OSBPL1A: variants seen among roughly 807,000 people sequenced by gnomAD.
The protein encoded by OSBPL1A is oxysterol-binding protein-related protein 1.
A neutral mutation model predicts 137.1 loss-of-function variants in OSBPL1A; 80 were observed. The ratio of observed to expected loss-of-function variants is 0.58; its 90% CI spans 0.49 to 0.70. The LOEUF (loss-of-function observed/expected upper bound fraction) is 0.70. Ranked by LOEUF, OSBPL1A falls within the 30% of genes least tolerant of loss-of-function variation. OSBPL1A has a pLI of 0.00. For missense variants in OSBPL1A, 970 were observed against 1,129.4 expected, an observed-to-expected ratio of 0.86 and a Z score of 2.02; for synonymous variants, 365 against 389.7, an observed-to-expected ratio of 0.94 and a Z score of 0.75.
chr18:24,355,880 G>A (rs1159847104), intron 4 of OSBPL1A, among the ~76,000 whole-genome samples: 2 of 151,296 alleles, frequency 1.3e-5, no homozygotes, highest in Non-Finnish European at 2.9e-5. Flanking sequence ...AGCTACTCAA[G>A]AGACTGAGGC....
At chr18:24,240,172 C>T (rs980436642) in intron 15 of OSBPL1A, among the ~76,000 whole-genome samples, 4 of 152,256 alleles carry the variant, frequency 2.6e-5, no homozygotes, top group African/African-American at 4.8e-5. Context: ...GATCTGCCCG[C>T]CTGGGCCTCC....
chr18:24,190,346 GAAAAAAAAA>G (rs140195338), intron 18 of OSBPL1A, among the ~76,000 whole-genome samples: 2 of 49,174 alleles, frequency 4.1e-5, no homozygotes, highest in Non-Finnish European at 7.5e-5. Flanking sequence ...CTCTGCTACT[GAAAAAAAAA>G]AAAAAAAAAA....
In OSBPL1A at chr18:24,206,671, C is replaced by T. The variant is rs142847207; in HGVS notation, c.1602-10471G>A. On this transcript the variant is annotated intron_variant, in intron 17 of 27. Coordinates refer to ENST00000319481, the MANE Select transcript of OSBPL1A (RefSeq NM_080597.4). Reference sequence around the variant, plus strand: ...ATCTCTGGGAGACTTCGAGCATGCTCCTCCATTCAGGCTTCTCTTCTGCAC... The same window carrying T: ...ATCTCTGGGAGACTTCGAGCATGCTTCTCCATTCAGGCTTCTCTTCTGCAC... Among the ~76,000 whole-genome samples the T allele has an allele frequency of 9.8e-5, 15 of 152,304 alleles. No individual in the cohort carries two copies. The East Asian group carries it at 1.2e-3, about 12-fold the overall frequency.
chr18:24,213,047 A>G (rs1252761596), intron 17 of OSBPL1A, among the ~76,000 whole-genome samples: 1 of 152,198 alleles, frequency 6.6e-6, no homozygotes, highest in East Asian at 1.9e-4. Context: ...GCCATTCTGA[A>G]GCCTAGTATA....
At chr18:24,343,458 G>T (rs2091300998) in intron 4 of OSBPL1A, among the ~76,000 whole-genome samples, 1 of 152,080 alleles carries the variant, frequency 6.6e-6, no homozygotes, top group Non-Finnish European at 1.5e-5. Context: ...CATTTTTACA[G>T]AAACAGAAAA....
At chr18:24,290,559 T>C (rs1207947839) in intron 14 of OSBPL1A, among the ~76,000 whole-genome samples, 3 of 152,088 alleles carry the variant, frequency 2.0e-5, no homozygotes, top group Admixed American at 6.6e-5. Flanking sequence ...AGTGTGTGCT[T>C]GTAGTCCCAG....
chr18:24,293,763 C>T (rs1432085520), intron 14 of OSBPL1A, among the ~76,000 whole-genome samples: 3 of 152,126 alleles, frequency 2.0e-5, no homozygotes, highest in Non-Finnish European at 4.4e-5. Context: ...CTCTGCAGGT[C>T]ATTAGAATGA....
chr18:24,252,637 C>G (rs1388807158), intron 15 of OSBPL1A, among the ~76,000 whole-genome samples: 1 of 152,072 alleles, frequency 6.6e-6, no homozygotes, highest in African/African-American at 2.4e-5. Flanking sequence ...TCTGAAGGTA[C>G]AAAACTTGCT....
chr18:24,377,581 T>C (rs762023922), intron 1 of OSBPL1A, 46 bp from the exon 2 acceptor site: 4 of 1,523,416 alleles, frequency 2.6e-6, no homozygotes, highest in Non-Finnish European at 1.8e-6. Context: ...AGAACATAAT[T>C]AGCTTTTAGA....
At chr18:24,218,107 T>A (rs866072430) in intron 17 of OSBPL1A, among the ~76,000 whole-genome samples, 3 of 152,148 alleles carry the variant, frequency 2.0e-5, no homozygotes, top group Non-Finnish European at 4.4e-5. Context: ...TGGGATCCTA[T>A]TACTAAATAC....
chr18:24,219,118 C>T (rs1242924403), intron 17 of OSBPL1A, among the ~76,000 whole-genome samples: 1 of 151,448 alleles, frequency 6.6e-6, no homozygotes, highest in Non-Finnish European at 1.5e-5. Flanking sequence ...CATAGCAAGG[C>T]CTCATATCTG....
chr18:24,239,326 T>A lies in OSBPL1A; in HGVS notation c.1338A>T (p.Ala446=). 6.2e-7 allele frequency: 1 copy of A among 1,614,106 alleles called. No individual in the cohort carries two copies. Among genetic ancestry groups the A allele is most frequent in the East Asian group, 2.2e-5 (1 of 44,878 alleles). The part of the protein sequence containing the change: ...EQEKNKILSE[A]LETLATEHHE... ...GATGTTCAGTGGCCAGCGTCTCCAG[T>A]GCTTCTGACAAGATTTTGTTTTTTT... The change falls in exon 16 of 28, where the codon GCA becomes GCT. Residue 446 remains alanine (A), a synonymous_variant. Coordinates refer to ENST00000319481, the MANE Select transcript of OSBPL1A (RefSeq NM_080597.4).
At chr18:24,312,193 T>G in intron 12 of OSBPL1A, 87 bp from the exon 13 acceptor site, 3 of 1,490,814 alleles carry the variant, frequency 2.0e-6, no homozygotes, top group Non-Finnish European at 2.7e-6. Context: ...AGCATAAAAT[T>G]TACCTAGTGA....
chr18:24,378,746 T>C (rs1027768553), intron 1 of OSBPL1A, among the ~76,000 whole-genome samples: 2 of 152,224 alleles, frequency 1.3e-5, no homozygotes, highest in Admixed American at 6.5e-5. Flanking sequence ...TCCAGCCCTC[T>C]TGCCCTAATC....
At chr18:24,333,303 C>T (rs2091117375) in intron 6 of OSBPL1A, among the ~76,000 whole-genome samples, 1 of 152,174 alleles carries the variant, frequency 6.6e-6, no homozygotes, top group Non-Finnish European at 1.5e-5. Flanking sequence ...GTCCGGGTCT[C>T]ACACTCCTCT....
At position 24,368,380 on chromosome 18, in the gene OSBPL1A, T is replaced by C; in HGVS notation, c.122-8A>G. On this transcript the variant is annotated splice_region_variant and splice_polypyrimidine_tract_variant and intron_variant, in intron 2 of 27. Coordinates refer to ENST00000319481, the MANE Select transcript of OSBPL1A (RefSeq NM_080597.4). ...AGTTAGACTTACTTCTTCCTAAAAATGGAAAAATATAAGGTATTTTTAGGT... is the reference window on the plus strand; with the variant it reads ...AGTTAGACTTACTTCTTCCTAAAAACGGAAAAATATAAGGTATTTTTAGGT... The C allele has an allele frequency of 6.2e-7, 1 of 1,601,106 alleles. No homozygotes were observed. Among genetic ancestry groups the C allele is most frequent in the South Asian group, 1.1e-5 (1 of 90,542 alleles).
chr18:24,169,863 GC>G (rs1227850055), intron 24 of OSBPL1A, among the ~76,000 whole-genome samples: 1 of 152,218 alleles, frequency 6.6e-6, no homozygotes, highest in Non-Finnish European at 1.5e-5. Flanking sequence ...TAAGAGGAAA[GC>G]AGCCCAGGGA....
chr18:24,209,643 G>A (rs116364261), intron 17 of OSBPL1A, among the ~76,000 whole-genome samples: 1,628 of 152,234 alleles, frequency 0.011, 28 homozygotes, highest in African/African-American at 0.037. Flanking sequence ...TCCATCAACA[G>A]GAGTACAGAT....
chr18:24,164,420 GTTTTTTT>G (rs35343209), intron 27 of OSBPL1A, among the ~76,000 whole-genome samples: 6 of 95,970 alleles, frequency 6.3e-5, no homozygotes, highest in Non-Finnish European at 1.1e-4. Context: ...GAGATTTTTG[GTTTTTTT>G]TTTTTTTTTT....
Sources: allele counts gnomAD v4.1 joint callset (sites outside exome capture counted in the v4.1 genomes callset), GRCh38; gene constraint gnomAD v4.1.1; transcripts MANE v1.5; gene names NCBI Gene and HGNC (gene_info 2026-07-23, HGNC 2026-07-21).